KCNN2: variants seen among roughly 807,000 people sequenced by gnomAD.
KCNN2 encodes small conductance calcium-activated potassium channel protein 2.
KCNN2 carries 24 observed loss-of-function variants against 55.5 expected under a neutral mutation model. The ratio of observed to expected loss-of-function variants is 0.43; its 90% confidence interval spans 0.31 to 0.61. The LOEUF is 0.61. Ranked by LOEUF, KCNN2 falls within the 20% of genes least tolerant of loss-of-function variation. The pLI is 0.08. For missense variants in KCNN2, 754 were observed against 853.6 expected (o/e 0.88, Z 1.45); for synonymous variants, 431 against 336.1 (o/e 1.28, Z -3.09).
chr5:114,482,852 G>A, intron 5 of KCNN2, among the ~76,000 whole-genome samples: 1 of 152,194 alleles, frequency 6.6e-6, no homozygotes, highest in South Asian at 2.1e-4. Flanking sequence ...CATGGTGGGA[G>A]GGAACAGCAC....
chr5:114,107,866 C>G (rs7726063), intron 1 of KCNN2, among the ~76,000 whole-genome samples: 25,437 of 151,970 alleles, frequency 0.17, 2,221 homozygotes, highest in Middle Eastern at 0.22. Flanking sequence ...TAAACCTTCA[C>G]TTGTATATAT....
intron 1 of KCNN2, among the ~76,000 whole-genome samples, chr5:114,065,846 G>GGTTTTTTTTTTTTTTTTTTTTTTTTT (rs1750434865): frequency 2.2e-5 from 1 of 45,196 alleles, no homozygotes; most frequent in African/African-American, 8.5e-5. Flanking sequence ...TCCTATGCAG[G>GGTTTTTTTTTTTTTTTTTTTTTTTTT]TTTTTTTTTT....
At chr5:114,486,567 A>C (rs1351820377) in intron 5 of KCNN2, 1 of 295,904 alleles carries the variant, frequency 3.4e-6, no homozygotes, top group African/African-American at 2.3e-5. Context: ...CTGGGAGGCT[A>C]TCAGTGCTGG....
chr5:114,148,681 C>G (rs1199403587), intron 1 of KCNN2, among the ~76,000 whole-genome samples: 1 of 152,080 alleles, frequency 6.6e-6, no homozygotes, highest in African/African-American at 2.4e-5. Context: ...GCCACATGTC[C>G]TCCTCTGGCA....
intron 3 of KCNN2, among the ~76,000 whole-genome samples, chr5:114,457,026 G>T (rs1760955777): frequency 6.6e-6 from 1 of 152,224 alleles, no homozygotes. Flanking sequence ...TGATAAAGCT[G>T]TGTCACGGTT....
At chr5:114,351,704 C>T (rs182096295) in intron 2 of KCNN2, among the ~76,000 whole-genome samples, 2 of 151,578 alleles carry the variant, frequency 1.3e-5, no homozygotes, top group East Asian at 3.9e-4. Context: ...TTTTCTGTGT[C>T]CATTGAGATG....
intron 2 of KCNN2, among the ~76,000 whole-genome samples, chr5:114,339,267 C>T (rs1316847804): frequency 6.6e-6 from 1 of 152,144 alleles, no homozygotes; most frequent in Non-Finnish European, 1.5e-5. Flanking sequence ...CACAGAAAAC[C>T]CCGGCCCCCT....
intron 3 of KCNN2, among the ~76,000 whole-genome samples, chr5:114,442,365 T>C (rs1044811461): frequency 6.7e-6 from 1 of 150,230 alleles, no homozygotes; most frequent in Non-Finnish European, 1.5e-5. Flanking sequence ...GGGACATTTA[T>C]GTAGTGATTT....
Position 114,362,803 on chromosome 5 carries a change from G to T in KCNN2, c.664G>T (p.Val222Phe). Residue 222 changes from valine to phenylalanine, a missense_variant, in exon 1 of 8, where the codon GTC (valine) becomes TTC (phenylalanine). This residue lies in a region of KCNN2 where 381 missense variants were observed against 259.1 expected (regional missense o/e 1.47). Coordinates refer to ENST00000673685, the MANE Select transcript of KCNN2 (RefSeq NM_021614.4). ...GAGCAGCTGCAGGTACAACGGGGGC[G>T]TCATGCGGCCGCTCAGCAACTTGAG... ...AMSSCRYNGGVMRPLSNLSAS... is the reference protein window; with the variant it reads ...AMSSCRYNGGFMRPLSNLSAS... 6.3e-7 allele frequency: 1 copy of T among 1,596,984 alleles called. No individual in the cohort carries two copies.
intron 1 of KCNN2, among the ~76,000 whole-genome samples, chr5:114,102,798 ATC>A (rs1295337761): frequency 6.6e-6 from 1 of 151,908 alleles, no homozygotes; most frequent in African/African-American, 2.4e-5. Context: ...TGCTCTATAT[ATC>A]TGTTTTGGTA....
intron 1 of KCNN2, among the ~76,000 whole-genome samples, chr5:114,086,013 A>G (rs1250694875): frequency 6.6e-6 from 1 of 152,118 alleles, no homozygotes; most frequent in African/African-American, 2.4e-5. Context: ...GTTAGTCCTA[A>G]AGTCTATTTT....
intron 1 of KCNN2, among the ~76,000 whole-genome samples, chr5:114,157,467 C>T (rs1406500454): frequency 6.6e-6 from 1 of 152,080 alleles, no homozygotes; most frequent in African/African-American, 2.4e-5. Context: ...AATAAACATA[C>T]ATGTGCATGT....
At chr5:114,470,683 C>T (rs984741586) in intron 4 of KCNN2, among the ~76,000 whole-genome samples, 4 of 152,208 alleles carry the variant, frequency 2.6e-5, no homozygotes, top group Admixed American at 2.6e-4. Context: ...AAAATAACAT[C>T]ACACCCTCTG....
At chr5:114,475,652 A>G (rs1422499512) in intron 5 of KCNN2, among the ~76,000 whole-genome samples, 4 of 152,030 alleles carry the variant, frequency 2.6e-5, no homozygotes, top group East Asian at 1.9e-4. Flanking sequence ...TCCAGTACTG[A>G]CCACTCAGAA....
At chr5:114,474,022 C>T (rs1300361860) in intron 5 of KCNN2, among the ~76,000 whole-genome samples, 1 of 152,140 alleles carries the variant, frequency 6.6e-6, no homozygotes, top group Non-Finnish European at 1.5e-5. Context: ...TGCTGTGTAA[C>T]TACTGCTCAA....
chr5:114,230,469 T>G (rs1459766639), intron 2 of KCNN2, among the ~76,000 whole-genome samples: 1 of 117,812 alleles, frequency 8.5e-6, no homozygotes, highest in African/African-American at 3.2e-5. Flanking sequence ...GAGTGTGATA[T>G]TCCCCTTCAT....
intron 1 of KCNN2, among the ~76,000 whole-genome samples, chr5:114,091,126 C>G (rs1241734494): frequency 6.6e-6 from 1 of 152,148 alleles, no homozygotes; most frequent in Non-Finnish European, 1.5e-5. Context: ...AGGTGTGAAC[C>G]ACTGTGCCCA....
intron 2 of KCNN2, among the ~76,000 whole-genome samples, chr5:114,330,603 G>A (rs929192605): frequency 2.8e-4 from 38 of 134,358 alleles, no homozygotes; most frequent in African/African-American, 1.0e-3. Context: ...TTGTCAACAT[G>A]TTATGCTTCT....
At chr5:114,110,218 C>G (rs759747842) in intron 1 of KCNN2, among the ~76,000 whole-genome samples, 5 of 151,918 alleles carry the variant, frequency 3.3e-5, no homozygotes, top group African/African-American at 1.2e-4. Context: ...CAGCACAAGA[C>G]AGATTAAGAC....
Sources: allele counts gnomAD v4.1 joint callset (sites outside exome capture counted in the v4.1 genomes callset), GRCh38; gene constraint gnomAD v4.1.1; regional missense constraint gnomAD v4.1.1; transcripts MANE v1.5; gene names NCBI Gene and HGNC (gene_info 2026-07-23, HGNC 2026-07-21).